FGD5: variants seen among roughly 807,000 people sequenced by gnomAD.
FGD5 encodes the protein FYVE, RhoGEF and PH domain-containing protein 5.
Under a neutral mutation model 133.4 loss-of-function variants are expected in FGD5, and 28 were observed. That is an observed-to-expected ratio of 0.21 (90% CI 0.16 to 0.29). The LOEUF (loss-of-function observed/expected upper bound fraction) is 0.29, where lower values mean the gene tolerates loss of function less well. FGD5 is among the 10% of genes least tolerant of loss of function. The pLI is 1.00. For missense variants in FGD5, 1,858 were observed against 1,895.2 expected (o/e 0.98, Z 0.36); for synonymous variants, 810 against 776.5 (o/e 1.04, Z -0.72).
At chr3:14,817,984 C>T (rs2036400842), upstream of FGD5, among the ~76,000 whole-genome samples, 1 of 152,172 alleles carries the variant, frequency 6.6e-6, no homozygotes, top group Admixed American at 6.5e-5. Context: ...TTGGCAACCA[C>T]TCATTTGACC....
chr3:14,903,181 C>T (rs1022861908), intron 9 of FGD5, among the ~76,000 whole-genome samples: 5 of 152,214 alleles, frequency 3.3e-5, no homozygotes, highest in Admixed American at 2.6e-4. Flanking sequence ...TAAACTCTAA[C>T]TCCTCATTCC....
intron 18 of FGD5, 194 bp from the exon 19 acceptor site, chr3:14,932,383 A>G: frequency 1.7e-6 from 1 of 577,190 alleles, no homozygotes; most frequent in South Asian, 2.6e-5. Context: ...ACACCCAGCC[A>G]GTGTCGTTTC....
upstream of FGD5, among the ~76,000 whole-genome samples, chr3:14,816,483 C>T (rs1267001052): frequency 6.6e-6 from 1 of 152,136 alleles, no homozygotes; most frequent in Non-Finnish European, 1.5e-5. Context: ...GATATGTAGC[C>T]TTTAATTTTT....
chr3:14,906,148 A>C (rs141051295), intron 9 of FGD5, among the ~76,000 whole-genome samples: 1 of 152,246 alleles, frequency 6.6e-6, no homozygotes, highest in East Asian at 1.9e-4. Flanking sequence ...TCCCTGCACC[A>C]CAGGAAGGCC....
chr3:14,889,438 A>G (rs546353379), intron 4 of FGD5, among the ~76,000 whole-genome samples: 3 of 152,162 alleles, frequency 2.0e-5, no homozygotes, highest in South Asian at 4.1e-4. Flanking sequence ...TTTGGTAGGG[A>G]TAGCCTATAG....
At chr3:14,923,385 T>C (rs2038726258) in intron 16 of FGD5, 3 of 645,326 alleles carry the variant, frequency 4.6e-6, no homozygotes, top group Non-Finnish European at 7.7e-6. Context: ...GAAGAAGAGC[T>C]CTGTGGGTAG....
At chr3:14,894,288 A>G (rs2038090143) in intron 4 of FGD5, among the ~76,000 whole-genome samples, 1 of 152,124 alleles carries the variant, frequency 6.6e-6, no homozygotes, top group Non-Finnish European at 1.5e-5. Flanking sequence ...ACAGGACTTC[A>G]TCCTTTTTTA....
At chr3:14,836,349 G>T (rs1397492269) in intron 1 of FGD5, among the ~76,000 whole-genome samples, 1 of 152,220 alleles carries the variant, frequency 6.6e-6, no homozygotes, top group East Asian at 1.9e-4. Context: ...GGAGGCCAGA[G>T]GTCAAGGCTG....
chr3:14,922,674 C>A lies in FGD5; in HGVS notation c.3807+126C>A. On this transcript the variant is annotated intron_variant, in intron 15 of 19. Coordinates refer to ENST00000285046, the MANE Select transcript of FGD5 (RefSeq NM_152536.4). The surrounding 1 kb of genome is among the most constrained non-coding windows in gnomAD (Gnocchi z 4.1). ...TAAGCCCCAGAGTGAGGCATGTTCA[C>A]ACCAACCCGAGAGGAACAGATTGCT... The A allele has an allele frequency of 7.7e-7, 1 of 1,305,844 alleles. No individual in the cohort carries two copies. The highest frequency in any genetic ancestry group is 1.0e-6 in the Non-Finnish European group (1 of 962,844). The allele number at this position is 1,305,844 out of a possible 1,614,324, so 80.9% of individuals were successfully genotyped here. A position where few individuals can be genotyped will look rare whatever the true frequency, so the allele number is the denominator to read the frequency against.
rs370414016 is a variant in FGD5, at chr3:14,917,822, A to G, written c.3489+490A>G. Among the ~76,000 whole-genome samples the G allele has an allele frequency of 5.3e-5, 8 of 152,156 alleles. No individual in the cohort carries two copies. Among genetic ancestry groups the G allele is most frequent in the African/African-American group, 1.7e-4 (7 of 41,516 alleles). On this transcript the variant is annotated intron_variant, in intron 12 of 19. Transcript: ENST00000285046. This position sits in a 1 kb window ranked among gnomAD's most constrained non-coding sequence, Gnocchi z 4.1. ...GAAACTCTGCCCACATTAAAAACCAACTCTCCATTCCCCTCCTTCTCAGCC... is the reference window on the plus strand; with the variant it reads ...GAAACTCTGCCCACATTAAAAACCAGCTCTCCATTCCCCTCCTTCTCAGCC...
chr3:14,817,847 G>C (rs1342143683), upstream of FGD5, among the ~76,000 whole-genome samples: 3 of 152,172 alleles, frequency 2.0e-5, no homozygotes, highest in Admixed American at 6.5e-5. Flanking sequence ...TTGAAGCAGA[G>C]ATGTTGGGAT....
At chr3:14,907,224 ACCACGAGGCT>A (rs2038357163) in intron 9 of FGD5, among the ~76,000 whole-genome samples, 3 of 152,174 alleles carry the variant, frequency 2.0e-5, no homozygotes, top group Admixed American at 2.0e-4. Flanking sequence ...TATTTTTCTA[ACCACGAGGCT>A]CCACAGAGTG....
chr3:14,918,804 T>G lies in FGD5; in HGVS notation c.3540T>G (p.Thr1180=). The change falls in exon 13 of 20, where the codon ACT becomes ACG. Residue 1180 remains threonine, a synonymous_variant. Coordinates refer to ENST00000285046, the MANE Select transcript of FGD5 (RefSeq NM_152536.4). ...EKVPYALKIE[T]SESCLMLSAS... ...TGCCCTACGCTCTAAAGATTGAGACTTCCGAGTCCTGCCTGATGCTGTCTG... is the reference window on the plus strand; with the variant it reads ...TGCCCTACGCTCTAAAGATTGAGACGTCCGAGTCCTGCCTGATGCTGTCTG... The G allele has an allele frequency of 1.9e-6, 3 of 1,613,952 alleles. No individual in the cohort carries two copies. The highest frequency in any genetic ancestry group is 2.5e-6 in the Non-Finnish European group (3 of 1,179,876).
At chr3:14,854,391 T>G (rs542930773) in intron 1 of FGD5, among the ~76,000 whole-genome samples, 1 of 61,072 alleles carries the variant, frequency 1.6e-5, no homozygotes, top group Non-Finnish European at 3.2e-5. Flanking sequence ...TCTTTTCTTT[T>G]TATTTATTTA....
chr3:14,820,237 T>C lies in FGD5; in HGVS notation c.1166T>C (p.Met389Thr), dbSNP rs1264204976. The change falls in exon 1 of 20, where the codon ATG becomes ACG. Residue 389 changes from methionine (M) to threonine (T), a missense_variant. Around this residue, in one of 3 missense-constraint regions of FGD5, gnomAD observed 1,824 missense variants for 1,848.9 expected, o/e 0.99. Coordinates refer to ENST00000285046, the MANE Select transcript of FGD5 (RefSeq NM_152536.4). ...KLGLRAEENP[M>T]VGALCGQCGS... ...GGGCTGCGTGCGGAGGAGAACCCCA[T>C]GGTGGGGGCTTTGTGTGGCCAGTGT... The C allele has an allele frequency of 1.9e-6, 3 of 1,605,646 alleles. No individual in the cohort carries two copies. The South Asian group carries it at 3.3e-5, about 18-fold the overall frequency.
At chr3:14,857,056 C>T (rs2037295027) in intron 1 of FGD5, among the ~76,000 whole-genome samples, 1 of 152,112 alleles carries the variant, frequency 6.6e-6, no homozygotes, top group South Asian at 2.1e-4. Flanking sequence ...TCCTTCTGCA[C>T]CTAATTTATT....
chr3:14,922,005 C>A lies in FGD5; in HGVS notation c.3657C>A (p.His1219Gln). Residue 1219 changes from histidine to glutamine, a missense_variant, in exon 14 of 20, where the codon CAC (histidine) becomes CAA (glutamine). By Grantham distance (24) the His-to-Gln change is conservative. Transcript: ENST00000285046. The surrounding 1 kb of genome is among the most constrained non-coding windows in gnomAD (Gnocchi z 4.1). ...AGGCCCAGGCGCTGGCTGCATTCCA[C>A]CATAGCGTGGAGGTGAGTGGGTGGG... Reference protein sequence around the residue: ...DYKAQALAAFHHSVEIRERLG... With the variant: ...DYKAQALAAFQHSVEIRERLG... 1.9e-6 allele frequency: 3 copies of A among 1,560,576 alleles called. No homozygotes were observed. Among genetic ancestry groups the A allele is most frequent in the Non-Finnish European group, 2.6e-6 (3 of 1,152,280 alleles).
chr3:14,829,589 T>G (rs2036668040), intron 1 of FGD5, among the ~76,000 whole-genome samples: 1 of 152,230 alleles, frequency 6.6e-6, no homozygotes, highest in Non-Finnish European at 1.5e-5. Flanking sequence ...CTCTTTTCAT[T>G]CTTTTGTCTT....
chr3:14,908,341 C>T (rs903801692), intron 10 of FGD5, among the ~76,000 whole-genome samples: 7 of 152,128 alleles, frequency 4.6e-5, no homozygotes, highest in South Asian at 2.1e-4. Flanking sequence ...TCCAGAATTA[C>T]GGGGGCTATA....
Sources: gnomAD v4.1 joint callset for allele counts (sites outside exome capture counted in the v4.1 genomes callset) on GRCh38, gnomAD v4.1.1 for gene constraint, gnomAD v4.1.1 regional missense constraint, Gnocchi (gnomAD v3.1) non-coding constraint, MANE v1.5 for transcripts, NCBI Gene and HGNC (gene_info 2026-07-23, HGNC 2026-07-21) for gene names.